TMEM33: variants seen among roughly 807,000 people sequenced by gnomAD.
The protein encoded by TMEM33 is transmembrane protein 33.
A neutral mutation model predicts 29.7 loss-of-function variants in TMEM33; 16 were observed. The observed-to-expected ratio is 0.54, with a 90% confidence interval of 0.36 to 0.82. The LOEUF (loss-of-function observed/expected upper bound fraction) is 0.82, where lower values mean the gene tolerates loss of function less well. Among genes scored for constraint, TMEM33 ranks in the 40% least tolerant of loss-of-function variants. The pLI is 0.00. For synonymous variants in TMEM33, 112 were observed against 109.4 expected (o/e 1.02, Z -0.15); for missense variants, 252 against 295.3 (o/e 0.85, Z 1.08).
chr4:41,951,829 T>G (rs1017081907), intron 6 of TMEM33, among the ~76,000 whole-genome samples: 3 of 152,120 alleles, frequency 2.0e-5, no homozygotes, highest in African/African-American at 7.2e-5. Context: ...ATACTTGAGC[T>G]CAGGAAGTAT....
chr4:41,938,681 T>C lies in TMEM33; in HGVS notation c.125T>C (p.Val42Ala), dbSNP rs757838657. The change falls in exon 2 of 7, where the codon GTT (valine) becomes GCT (alanine). Residue 42 changes from valine (V) to alanine (A), a missense_variant. Coordinates refer to ENST00000504986, the MANE Select transcript of TMEM33 (RefSeq NM_018126.3). ...LFTVYCSALF[V>A]LPLLGLHEAA... ...ACAGTTTACTGCTCTGCTCTGTTTG[T>C]TCTGCCTCTTCTTGGGTATGTATTA... 1 of 1,614,124 alleles carries C rather than the reference T, an allele frequency of 6.2e-7. No individual in the cohort carries two copies. Among genetic ancestry groups the C allele is most frequent in the South Asian group, 1.1e-5 (1 of 91,082 alleles).
rs1220488486 is a variant in TMEM33, at chr4:41,960,741, A to G, written c.*6542A>G. Among the ~76,000 whole-genome samples the G allele has an allele frequency of 6.6e-6, 1 of 152,132 alleles. No individual in the cohort carries two copies. Among genetic ancestry groups the G allele is most frequent in the East Asian group, 1.9e-4 (1 of 5,200 alleles). On this transcript the variant is annotated 3_prime_UTR_variant, in exon 7 of 7. Transcript: ENST00000504986. ...TTTGAGGTCTGATGTGAAACTGGTAAAAATGTGATCTAAGGTGTAACTGGA... is the reference window on the plus strand; with the variant it reads ...TTTGAGGTCTGATGTGAAACTGGTAGAAATGTGATCTAAGGTGTAACTGGA...
At chr4:41,940,762 T>G (rs1712500647) in intron 3 of TMEM33, among the ~76,000 whole-genome samples, 1 of 145,682 alleles carries the variant, frequency 6.9e-6, no homozygotes, top group Non-Finnish European at 1.5e-5. Flanking sequence ...GAACTGAGAT[T>G]GTGCCACTGC....
Position 41,959,248 on chromosome 4 carries a change from A to G in TMEM33, c.*5049A>G, listed in dbSNP as rs1225748534. The G allele has an allele frequency of 6.6e-6, 1 of 152,190 alleles. No individual in the cohort carries two copies. Among genetic ancestry groups the G allele is most frequent in the Non-Finnish European group, 1.5e-5 (1 of 68,052 alleles). 9.4% of individuals were successfully genotyped at this position (152,190 alleles called of 1,614,324 possible). On this transcript the variant is annotated 3_prime_UTR_variant, in exon 7 of 7. Transcript: ENST00000504986. ...GAGCTTCTAAAGGTTTGGGAGGTTT[A>G]CTGGTAGTAACTATTCTAGGAAATA...
At chr4:41,944,216 T>G (rs1166617394) in intron 4 of TMEM33, 1 of 176,118 alleles carries the variant, frequency 5.7e-6, no homozygotes, top group Non-Finnish European at 1.2e-5. Context: ...GCTGCTTTCC[T>G]GAAATTCTTT....
chr4:41,948,427 T>C (rs1248205614), intron 5 of TMEM33, among the ~76,000 whole-genome samples: 1 of 152,138 alleles, frequency 6.6e-6, no homozygotes, highest in East Asian at 1.9e-4. Context: ...AAAATGGATG[T>C]TGCATTTGTT....
chr4:41,943,274 C>T (rs566027523), intron 3 of TMEM33, among the ~76,000 whole-genome samples: 18 of 152,238 alleles, frequency 1.2e-4, no homozygotes, highest in African/African-American at 3.9e-4. Flanking sequence ...CCTGTAATCC[C>T]AGCACTTTGG....
intron 3 of TMEM33, 93 bp downstream of exon 3, chr4:41,939,476 G>A: frequency 7.2e-7 from 1 of 1,381,842 alleles, no homozygotes; most frequent in Non-Finnish European, 1.0e-6. Context: ...ATTCCATGAA[G>A]CCTGGGTTTG....
At chr4:41,946,737 T>C (rs761056550) in intron 5 of TMEM33, among the ~76,000 whole-genome samples, 1 of 152,176 alleles carries the variant, frequency 6.6e-6, no homozygotes, top group Non-Finnish European at 1.5e-5. Flanking sequence ...CTAATATTTT[T>C]TCCATCATTT....
chr4:41,943,290 C>T (rs1338727713), intron 3 of TMEM33, among the ~76,000 whole-genome samples: 3 of 152,032 alleles, frequency 2.0e-5, no homozygotes, highest in African/African-American at 4.8e-5. Flanking sequence ...TTTGGGAGGC[C>T]GAGGTGGGCA....
At chr4:41,947,033 C>T (rs1047619941) in intron 5 of TMEM33, among the ~76,000 whole-genome samples, 3 of 152,006 alleles carry the variant, frequency 2.0e-5, no homozygotes, top group East Asian at 1.9e-4. Flanking sequence ...GTCAAGAGAT[C>T]GAGACCATCC....
intron 5 of TMEM33, among the ~76,000 whole-genome samples, 166 bp downstream of exon 5, chr4:41,945,092 C>T (rs1712725420): frequency 6.6e-6 from 1 of 152,134 alleles, no homozygotes; most frequent in South Asian, 2.1e-4. Flanking sequence ...TAGTAGAGAA[C>T]TTGAAATATA....
At position 41,935,511 on chromosome 4, in the gene TMEM33, C is replaced by T. The variant is rs1712181499; in HGVS notation, c.27C>T (p.Pro9=). ...TGGCAGATACGACCCCGAACGGCCC[C>T]CAAGGGGCGGGCGCTGTGGTAAGTG... The part of the protein sequence containing the change: MADTTPNG[P]QGAGAVQFMM... Residue 9 remains proline, a synonymous_variant, in exon 1 of 7, where the codon CCC becomes CCT. Transcript: ENST00000504986. 1 of 1,609,534 alleles carries T rather than the reference C, an allele frequency of 6.2e-7. No homozygotes were observed. Among genetic ancestry groups the T allele is most frequent in the East Asian group, 2.2e-5 (1 of 44,742 alleles).
intron 1 of TMEM33, 94 bp downstream of exon 1, chr4:41,935,623 G>T: frequency 7.7e-7 from 1 of 1,295,564 alleles, no homozygotes; most frequent in South Asian, 1.3e-5. Flanking sequence ...GAAGCTCAGT[G>T]CATTCAGGAA....
rs765652422 is a variant in TMEM33, at chr4:41,943,801, A to C, written c.383A>C (p.Lys128Thr). Residue 128 changes from lysine (K) to threonine (T), a missense_variant, in exon 4 of 7, where the codon AAA becomes ACA. Transcript: ENST00000504986. Reference protein sequence around the residue: ...FSLLHAATYTKKVLDARGSNS... With the variant: ...FSLLHAATYTTKVLDARGSNS... ...TTGCTTCATGCTGCCACATATACGA[A>C]AAAGGTCCTTGACGTAAGTAAAACT... The C allele has an allele frequency of 6.2e-7, 1 of 1,613,860 alleles. No homozygotes were observed. The highest frequency in any genetic ancestry group is 8.5e-7 in the Non-Finnish European group (1 of 1,179,898).
chr4:41,935,493 T>G lies in TMEM33; in HGVS notation c.9T>G (p.Asp3Glu), dbSNP rs747820286. ...CGCTAGTGTGAGCCCCCATGGCAGA[T>G]ACGACCCCGAACGGCCCCCAAGGGG... MA[D>E]TTPNGPQGAG... The change falls in exon 1 of 7, where the codon GAT becomes GAG. Residue 3 changes from aspartate to glutamate, a missense_variant. Physicochemically the swap from Asp to Glu is conservative, Grantham distance 45 (BLOSUM62 2). Transcript: ENST00000504986. The G allele has an allele frequency of 8.1e-6, 13 of 1,609,832 alleles. No homozygotes were observed. The highest frequency in any genetic ancestry group is 1.1e-5 in the Non-Finnish European group (13 of 1,178,218).
At chr4:41,939,929 A>G in intron 3 of TMEM33, 1 of 380,502 alleles carries the variant, frequency 2.6e-6, no homozygotes, top group Non-Finnish European at 5.1e-6. Context: ...GAAATAATTC[A>G]TTTGGAATTT....
intron 6 of TMEM33, among the ~76,000 whole-genome samples, chr4:41,951,256 G>A (rs1049996232): frequency 6.6e-6 from 1 of 152,078 alleles, no homozygotes; most frequent in South Asian, 2.1e-4. Flanking sequence ...CTTAGAACTT[G>A]GTTCCTTTTG....
In TMEM33 at chr4:41,944,901, C is replaced by T. The variant is rs1712713130; in HGVS notation, c.505C>T (p.Pro169Ser). ...TGCTTGCAATGAAATATTCCTGATG[C>T]CTGCGACAGTTTTTATGCTTTTTAG... ...FIACNEIFLMPATVFMLFSGQ... is the reference protein window; with the variant it reads ...FIACNEIFLMSATVFMLFSGQ... Residue 169 changes from proline (P) to serine (S), a missense_variant, in exon 5 of 7, where the codon CCT becomes TCT. Coordinates refer to ENST00000504986, the MANE Select transcript of TMEM33 (RefSeq NM_018126.3). The T allele has an allele frequency of 6.2e-7, 1 of 1,612,560 alleles. No individual in the cohort carries two copies. The highest frequency in any genetic ancestry group is 8.5e-7 in the Non-Finnish European group (1 of 1,179,606).
Sources: gnomAD v4.1 joint callset for allele counts (sites outside exome capture counted in the v4.1 genomes callset) on GRCh38, gnomAD v4.1.1 for gene constraint, MANE v1.5 for transcripts, NCBI Gene and HGNC (gene_info 2026-07-23, HGNC 2026-07-21) for gene names.